GRID2: variants seen among roughly 807,000 people sequenced by gnomAD.
GRID2 encodes the protein glutamate receptor ionotropic, delta-2.
GRID2 carries 33 observed loss-of-function variants against 114.8 expected under a neutral mutation model. That is an observed-to-expected ratio of 0.29 (90% CI 0.22 to 0.38). GRID2 has a LOEUF of 0.38. Among genes scored for constraint, GRID2 ranks in the 10% least tolerant of loss-of-function variants. GRID2 has a pLI of 1.00. For missense variants in GRID2, 1,184 were observed against 1,257.7 expected, an observed-to-expected ratio of 0.94 and a Z score of 0.89; for synonymous variants, 505 against 449.9, an observed-to-expected ratio of 1.12 and a Z score of -1.55.
chr4:93,373,137 C>T (rs1228843418), intron 8 of GRID2, among the ~76,000 whole-genome samples: 1 of 152,114 alleles, frequency 6.6e-6, no homozygotes, highest in Non-Finnish European at 1.5e-5. Context: ...CCTATCATTT[C>T]CCCACAGGAA....
intron 2 of GRID2, among the ~76,000 whole-genome samples, chr4:92,793,169 C>A (rs1236099690): frequency 1.3e-5 from 2 of 151,714 alleles, no homozygotes; most frequent in Non-Finnish European, 2.9e-5. Context: ...GAATCTTGGA[C>A]GTTTTCTGCC....
intron 13 of GRID2, among the ~76,000 whole-genome samples, chr4:93,586,977 A>T (rs898367687): frequency 1.3e-5 from 2 of 152,152 alleles, no homozygotes; most frequent in African/African-American, 4.8e-5. Flanking sequence ...AGAATAAATT[A>T]TACATCCTCC....
At chr4:92,740,714 AGATAGATAGATAGATAGATAGATAGATG>A (rs1341810187) in intron 2 of GRID2, among the ~76,000 whole-genome samples, 6 of 88,502 alleles carry the variant, frequency 6.8e-5, no homozygotes, top group African/African-American at 2.2e-4. Flanking sequence ...ATAGATAGAT[AGATAGATAGATAGATAGATAGATAGATG>A]GATAGATAGA....
At chr4:93,233,875 AGT>A (rs1746447435) in intron 7 of GRID2, among the ~76,000 whole-genome samples, 1 of 152,144 alleles carries the variant, frequency 6.6e-6, no homozygotes, top group African/African-American at 2.4e-5. Flanking sequence ...TGATTTAATA[AGT>A]GTGTGAGGAA....
At chr4:92,514,397 C>A (rs958106684) in intron 1 of GRID2, among the ~76,000 whole-genome samples, 2 of 151,796 alleles carry the variant, frequency 1.3e-5, no homozygotes, top group African/African-American at 4.8e-5. Context: ...TTTAGCACTT[C>A]TATGACTCAG....
At chr4:93,663,947 A>G (rs1392429819) in intron 14 of GRID2, among the ~76,000 whole-genome samples, 4 of 152,148 alleles carry the variant, frequency 2.6e-5, no homozygotes, top group African/African-American at 9.7e-5. Context: ...GATTTTATGG[A>G]ACCTGGATTC....
intron 2 of GRID2, among the ~76,000 whole-genome samples, chr4:92,931,849 C>T (rs1750265254): frequency 6.6e-6 from 1 of 150,874 alleles, no homozygotes; most frequent in African/African-American, 2.4e-5. Flanking sequence ...TTGACAAAAA[C>T]ACTCAGGCAA....
At chr4:92,695,544 A>G (rs868233080) in intron 2 of GRID2, among the ~76,000 whole-genome samples, 1 of 152,152 alleles carries the variant, frequency 6.6e-6, no homozygotes, top group South Asian at 2.1e-4. Flanking sequence ...ACTTAACTCA[A>G]TGAACTAGTT....
At chr4:93,216,652 A>G (rs1261954922) in intron 5 of GRID2, 86 bp from the exon 6 acceptor site, 2 of 844,544 alleles carry the variant, frequency 2.4e-6, no homozygotes, top group Non-Finnish European at 3.8e-6. Flanking sequence ...CAGAATCCCT[A>G]ACATTTACAG....
At chr4:92,939,996 G>A (rs1381304864) in intron 2 of GRID2, among the ~76,000 whole-genome samples, 3 of 147,208 alleles carry the variant, frequency 2.0e-5, no homozygotes, top group Non-Finnish European at 4.5e-5. Flanking sequence ...AAGTCAGGTA[G>A]CGTGATGCCT....
At position 93,058,522 on chromosome 4, in the gene GRID2, C is replaced by CT. The variant is rs1450914538; in HGVS notation, c.245-26465dup. Among the ~76,000 whole-genome samples, 11 of 151,726 alleles carry CT rather than the reference C, an allele frequency of 7.2e-5. No homozygotes were observed. The East Asian group carries it at 1.9e-3, about 27-fold the overall frequency. The stretch of plus-strand genomic sequence containing the variant: ...AATGAGTTTGCCAAAGAAATCGTGG[C>CT]TTTTTTTTAGTTGTCCTTCCACACC... On this transcript the variant is annotated intron_variant, in intron 2 of 15. Coordinates refer to ENST00000282020, the MANE Select transcript of GRID2 (RefSeq NM_001510.4).
intron 10 of GRID2, among the ~76,000 whole-genome samples, chr4:93,453,449 C>T (rs573792514): frequency 6.6e-6 from 1 of 151,018 alleles, no homozygotes; most frequent in East Asian, 2.0e-4. Flanking sequence ...AATAGAATAG[C>T]CAAATGTTGA....
chr4:93,567,890 A>T (rs1735585352), intron 13 of GRID2, among the ~76,000 whole-genome samples: 1 of 152,232 alleles, frequency 6.6e-6, no homozygotes, highest in East Asian at 1.9e-4. Flanking sequence ...TCTGTCACTT[A>T]CCTTCTGGAA....
chr4:93,796,151 T>C (rs1364205990), intron 1 of GRID2, among the ~76,000 whole-genome samples: 2 of 152,156 alleles, frequency 1.3e-5, no homozygotes, highest in Non-Finnish European at 2.9e-5. Context: ...TGTCTTTGAC[T>C]TCTGGAAGGG....
chr4:93,208,127 A>G (rs911796231), intron 5 of GRID2, among the ~76,000 whole-genome samples: 7 of 151,924 alleles, frequency 4.6e-5, no homozygotes, highest in Admixed American at 2.0e-4. Context: ...CCTCAACAAG[A>G]TGTAGTACTT....
intron 1 of GRID2, among the ~76,000 whole-genome samples, chr4:92,449,820 C>A (rs926209785): frequency 4.6e-5 from 7 of 150,858 alleles, no homozygotes; most frequent in Non-Finnish European, 1.0e-4. Flanking sequence ...CTTTAGAGCA[C>A]CAGAGGTTAG....
chr4:93,601,996 A>C (rs888520027), intron 13 of GRID2, among the ~76,000 whole-genome samples: 2 of 152,190 alleles, frequency 1.3e-5, no homozygotes, highest in Non-Finnish European at 2.9e-5. Flanking sequence ...TCATCACCTT[A>C]AAATGTCATC....
intron 1 of GRID2, among the ~76,000 whole-genome samples, chr4:92,481,997 T>A (rs1284654521): frequency 1.4e-5 from 1 of 72,536 alleles, no homozygotes; most frequent in African/African-American, 6.7e-5. Context: ...TATATATATA[T>A]ATATATATAT....
chr4:92,309,344 A>G (rs1481389690), intron 1 of GRID2, among the ~76,000 whole-genome samples: 1 of 152,008 alleles, frequency 6.6e-6, no homozygotes, highest in African/African-American at 2.4e-5. Context: ...ACTTTATTTT[A>G]AAAAGTAAGA....
Sources: allele counts gnomAD v4.1 joint callset (sites outside exome capture counted in the v4.1 genomes callset), GRCh38; gene constraint gnomAD v4.1.1; transcripts MANE v1.5; gene names NCBI Gene and HGNC (gene_info 2026-07-23, HGNC 2026-07-21).